Variants in ESR1 observed in about 807,000 individuals in gnomAD.
The protein encoded by ESR1 is estrogen receptor 1.
A neutral mutation model predicts 52.7 loss-of-function variants in ESR1; 12 were observed. The observed-to-expected ratio is 0.23, with a 90% CI of 0.15 to 0.37. ESR1 has a LOEUF of 0.37. Ranked by LOEUF, ESR1 falls within the 10% of genes least tolerant of loss-of-function variation. ESR1 has a pLI of 1.00. For missense variants in ESR1, 584 were observed against 779.7 expected (o/e 0.75, Z 2.99); for synonymous variants, 305 against 316.8 (o/e 0.96, Z 0.39).
At chr6:151,746,263 A>G (rs960490593) in intron 2 of ESR1, among the ~76,000 whole-genome samples, 1 of 152,198 alleles carries the variant, frequency 6.6e-6, no homozygotes, top group Non-Finnish European at 1.5e-5. Context: ...GCAGGATCAG[A>G]TGATAATTAT....
At chr6:151,802,859 C>T (rs538103259), upstream of ESR1, among the ~76,000 whole-genome samples, 261 of 151,958 alleles carry the variant, frequency 1.7e-3, no homozygotes, top group Non-Finnish European at 3.3e-3. Context: ...GGTGTGGTGG[C>T]GGACACCTGT....
intron 2 of ESR1, among the ~76,000 whole-genome samples, chr6:151,879,334 G>A (rs1254032536): frequency 3.9e-5 from 6 of 152,140 alleles, no homozygotes; most frequent in Non-Finnish European, 7.4e-5. Context: ...GTAATCCTAG[G>A]GAAGTTGCTT....
intron 2 of ESR1, among the ~76,000 whole-genome samples, chr6:151,711,661 G>T (rs879723815): frequency 1.3e-5 from 2 of 152,148 alleles, no homozygotes; most frequent in Admixed American, 1.3e-4. Flanking sequence ...GACTTCCTTT[G>T]AGAAGTGTCT....
At position 152,122,455 on chromosome 6, in the gene ESR1, T is replaced by C. The variant is rs754932611; in HGVS notation, c.851-2811T>C. ...CTTAGTTCAGAGTGGAGGAGGGCCATTCGTGTATCTGAGCATGGGGTGGAA... is the reference window on the plus strand; with the variant it reads ...CTTAGTTCAGAGTGGAGGAGGGCCACTCGTGTATCTGAGCATGGGGTGGAA... On this transcript the variant is annotated intron_variant, in intron 6 of 6. Transcript: ENST00000427531. 1 of 1,614,182 alleles carries C rather than the reference T, an allele frequency of 6.2e-7. No individual in the cohort carries two copies. Among genetic ancestry groups the C allele is most frequent in the Admixed American group, 1.7e-5 (1 of 60,024 alleles).
chr6:151,969,914 AT>A (rs141562122), intron 4 of ESR1, among the ~76,000 whole-genome samples: 2,959 of 149,132 alleles, frequency 0.02, 40 homozygotes, highest in Non-Finnish European at 0.032. Flanking sequence ...AACACAACAA[AT>A]TTTTTTTTTT....
chr6:151,701,769 T>C (rs924580384), intron 1 of ESR1: 1 of 152,174 alleles, frequency 6.6e-6, no homozygotes, highest in African/African-American at 2.4e-5. Flanking sequence ...ACTTTTCTTT[T>C]TAACAGCCTT....
At chr6:151,740,285 A>ATTTTTTT (rs386408967) in intron 2 of ESR1, among the ~76,000 whole-genome samples, 2 of 108,006 alleles carry the variant, frequency 1.9e-5, no homozygotes, top group African/African-American at 3.6e-5. Context: ...TGCCTGGCTA[A>ATTTTTTT]TTTTTTTTTT....
intron 1 of ESR1, among the ~76,000 whole-genome samples, chr6:151,698,580 G>C (rs1041084674): frequency 6.6e-6 from 1 of 152,196 alleles, no homozygotes; most frequent in Non-Finnish European, 1.5e-5. Context: ...TTTGTGGGTA[G>C]AGGGAAGGAG....
chr6:151,694,408 C>T (rs997931581), intron 1 of ESR1, among the ~76,000 whole-genome samples: 9 of 152,262 alleles, frequency 5.9e-5, no homozygotes, highest in East Asian at 3.9e-4. Context: ...TAATTACATC[C>T]GAGTCACAGA....
chr6:151,793,970 T>A (rs1776448682), intron 2 of ESR1, among the ~76,000 whole-genome samples: 1 of 152,216 alleles, frequency 6.6e-6, no homozygotes, highest in Non-Finnish European at 1.5e-5. Flanking sequence ...ATTAGGAGAA[T>A]AGGATGTCTT....
chr6:152,112,030 A>G (rs1163100846), intron 6 of ESR1, among the ~76,000 whole-genome samples: 1 of 152,270 alleles, frequency 6.6e-6, no homozygotes. Context: ...GTGTATAAAG[A>G]AAAACATTAA....
chr6:151,732,319 G>A (rs1782309690), intron 2 of ESR1, among the ~76,000 whole-genome samples: 1 of 152,072 alleles, frequency 6.6e-6, no homozygotes, highest in Non-Finnish European at 1.5e-5. Context: ...CCAGTATCTT[G>A]TGGTCACATA....
At chr6:151,666,200 TA>T (rs1777816339) in intron 1 of ESR1, among the ~76,000 whole-genome samples, 2 of 152,312 alleles carry the variant, frequency 1.3e-5, no homozygotes, top group African/African-American at 4.8e-5. Flanking sequence ...GGAGATATTT[TA>T]AAAAACTCAA....
chr6:151,731,939 G>A (rs1782277867), intron 2 of ESR1, among the ~76,000 whole-genome samples: 1 of 152,194 alleles, frequency 6.6e-6, no homozygotes, highest in Admixed American at 6.5e-5. Flanking sequence ...GGTCCACTGT[G>A]AAGTAGAAGA....
chr6:151,696,195 G>T (rs1408492184), intron 1 of ESR1, among the ~76,000 whole-genome samples: 1 of 152,126 alleles, frequency 6.6e-6, no homozygotes, highest in Non-Finnish European at 1.5e-5. Context: ...TCAGGGCTGG[G>T]CATGGTGGCT....
chr6:152,102,156 C>T lies in ESR1; in HGVS notation c.*3190C>T, dbSNP rs775503437. On this transcript the variant is annotated 3_prime_UTR_variant, in exon 8 of 8. Transcript: ENST00000206249. ...AACCTTGCAGATATGTTTAACCAAG[C>T]CATAGCCCATGCCTTTTGAGGGCTG... 2 of 209,428 alleles carry T rather than the reference C, an allele frequency of 9.5e-6. No individual in the cohort carries two copies. Among genetic ancestry groups the T allele is most frequent in the Non-Finnish European group, 1.9e-5 (2 of 102,622 alleles). 13.0% of individuals were successfully genotyped at this position (209,428 alleles called of 1,614,324 possible). A position where few individuals can be genotyped will look rare whatever the true frequency, so the allele number is the denominator to read the frequency against.
At chr6:151,789,719 T>G (rs980346838) in intron 2 of ESR1, among the ~76,000 whole-genome samples, 1 of 152,222 alleles carries the variant, frequency 6.6e-6, no homozygotes, top group African/African-American at 2.4e-5. Context: ...ACCAGCCCAA[T>G]GTAAATATCA....
At chr6:152,043,179 A>C (rs1417521168) in intron 5 of ESR1, among the ~76,000 whole-genome samples, 2 of 152,172 alleles carry the variant, frequency 1.3e-5, no homozygotes, top group Non-Finnish European at 2.9e-5. Context: ...CATTAAACCA[A>C]GGGAGATCAG....
intron 4 of ESR1, among the ~76,000 whole-genome samples, chr6:151,955,747 CA>C (rs1248968173): frequency 1.3e-5 from 2 of 152,122 alleles, no homozygotes; most frequent in South Asian, 2.1e-4. Flanking sequence ...ATTTTAGGTT[CA>C]GGGGTACATG....
Sources: gnomAD v4.1 joint callset for allele counts (sites outside exome capture counted in the v4.1 genomes callset) on GRCh38, gnomAD v4.1.1 for gene constraint, MANE v1.5 for transcripts, NCBI Gene and HGNC (gene_info 2026-07-23, HGNC 2026-07-21) for gene names.